ERCC6: variants seen among roughly 807,000 people sequenced by gnomAD.
ERCC6 encodes the protein DNA excision repair protein ERCC-6.
ERCC6 carries 116 observed loss-of-function variants against 158.7 expected under a neutral mutation model. The observed-to-expected ratio is 0.73, with a 90% CI of 0.63 to 0.85. The LOEUF (loss-of-function observed/expected upper bound fraction) is 0.85. Among genes scored for constraint, ERCC6 ranks in the 40% least tolerant of loss-of-function variants. The pLI, the probability that ERCC6 is intolerant of heterozygous loss-of-function variation, is 0.00. For missense variants in ERCC6, 1,698 were observed against 1,799.4 expected, an observed-to-expected ratio of 0.94 and a Z score of 1.02; for synonymous variants, 678 against 659.3, an observed-to-expected ratio of 1.03 and a Z score of -0.43.
chr10:49,474,744 A>G (rs991176124), intron 12 of ERCC6, among the ~76,000 whole-genome samples: 1 of 152,154 alleles, frequency 6.6e-6, no homozygotes, highest in African/African-American at 2.4e-5. Context: ...GATTATTATT[A>G]TATCAGAAAA....
At chr10:49,471,195 A>G in intron 16 of ERCC6, 75 bp from the exon 17 acceptor site, 2 of 1,465,494 alleles carry the variant, frequency 1.4e-6, no homozygotes, top group Non-Finnish European at 1.9e-6. Context: ...AAAGCAATAT[A>G]AGAGAGAGAT....
chr10:49,472,564 C>A, intron 15 of ERCC6, 94 bp from the exon 16 acceptor site: 1 of 1,303,522 alleles, frequency 7.7e-7, no homozygotes, highest in Non-Finnish European at 1.1e-6. Flanking sequence ...CTACCTGTCA[C>A]TCCCAGAGTT....
intron 18 of ERCC6, among the ~76,000 whole-genome samples, chr10:49,467,284 A>G (rs1275195561): frequency 2.0e-5 from 3 of 152,204 alleles, no homozygotes; most frequent in Admixed American, 2.0e-4. Flanking sequence ...AGGAAAGCGC[A>G]TGCAACTGCC....
intron 11 of ERCC6, among the ~76,000 whole-genome samples, chr10:49,477,041 T>C (rs1364364330): frequency 6.6e-6 from 1 of 152,134 alleles, no homozygotes; most frequent in Non-Finnish European, 1.5e-5. Flanking sequence ...CATCCTGCCA[T>C]GGCCTGTCCT....
chr10:49,456,537 TAC>T lies in ERCC6; in HGVS notation c.*2276_*2277del, dbSNP rs1290184336. 6.6e-6 allele frequency: 1 copy of T among 152,170 alleles called. No homozygotes were observed. The highest frequency in any genetic ancestry group is 1.5e-5 in the Non-Finnish European group (1 of 68,018). The allele number at this position is 152,170 out of a possible 1,614,324, so 9.4% of individuals were successfully genotyped here. A position where few individuals can be genotyped will look rare whatever the true frequency, so the allele number is the denominator to read the frequency against. Reference sequence around the variant, plus strand: ...TGTGATTCTCTAAATGCATGGAGAATACACACCAAACCTAGGGCTGTACTTAG... The same window carrying T: ...TGTGATTCTCTAAATGCATGGAGAATACACCAAACCTAGGGCTGTACTTAG... On this transcript the variant is annotated 3_prime_UTR_variant, in exon 21 of 21. Coordinates refer to ENST00000355832, the MANE Select transcript of ERCC6 (RefSeq NM_000124.4).
intron 18 of ERCC6, among the ~76,000 whole-genome samples, chr10:49,467,774 G>T (rs149666343): frequency 2.2e-4 from 34 of 151,484 alleles, no homozygotes; most frequent in Middle Eastern, 3.4e-3. Context: ...TCACTATGTT[G>T]CCCAGGCTGG....
At chr10:49,504,477 T>A (rs983904140) in intron 6 of ERCC6, 1 of 152,318 alleles carries the variant, frequency 6.6e-6, no homozygotes, top group Admixed American at 6.5e-5. Context: ...CTGACATTTA[T>A]ACAAAAATGC....
chr10:49,460,154 C>T (rs1850551714), intron 20 of ERCC6: 2 of 599,664 alleles, frequency 3.3e-6, no homozygotes, highest in Admixed American at 2.7e-5. Flanking sequence ...AACAGAAATG[C>T]TGCTACGGAT....
intron 2 of ERCC6, among the ~76,000 whole-genome samples, chr10:49,532,153 G>A (rs1192081732): frequency 6.6e-6 from 1 of 152,206 alleles, no homozygotes; most frequent in Non-Finnish European, 1.5e-5. Flanking sequence ...GGGACAGTAA[G>A]CTAGAAAGAA....
the ERCC6 span, among the ~76,000 whole-genome samples, chr10:49,441,226 G>C: frequency 6.6e-6 from 1 of 152,332 alleles, no homozygotes; most frequent in Admixed American, 6.5e-5. Context: ...GGGTACAAGA[G>C]CCATGTACCA....
At chr10:49,515,247 A>G (rs1467559547) in intron 5 of ERCC6, 11 of 1,454,426 alleles carry the variant, frequency 7.6e-6, no homozygotes, top group Non-Finnish European at 9.9e-6. Context: ...GTGACGTTCC[A>G]AAATTGGAAC....
rs1305321725 is a variant in ERCC6 at position 49,455,284 on chromosome 10, C to T, written c.*3531G>A. On this transcript the variant is annotated 3_prime_UTR_variant, in exon 21 of 21. Coordinates refer to ENST00000355832, the MANE Select transcript of ERCC6 (RefSeq NM_000124.4). Reference sequence around the variant, plus strand: ...AAGACTTTAATAAAATGAGGCCTATCATAACACTAATCAGAAACATTATAT... The same window carrying T: ...AAGACTTTAATAAAATGAGGCCTATTATAACACTAATCAGAAACATTATAT... 4 of 152,228 alleles carry T rather than the reference C, an allele frequency of 2.6e-5. No individual in the cohort carries two copies. The highest frequency in any genetic ancestry group is 4.8e-5 in the African/African-American group (2 of 41,556). The allele number at this position is 152,228 out of a possible 1,614,324, so 9.4% of individuals were successfully genotyped here.
intron 15 of ERCC6, 140 bp downstream of exon 15, chr10:49,472,769 T>C: frequency 9.6e-7 from 1 of 1,044,048 alleles, no homozygotes; most frequent in Non-Finnish European, 1.4e-6. Context: ...GGTGTCTTCT[T>C]TCACGTTGAA....
intron 1 of ERCC6, among the ~76,000 whole-genome samples, chr10:49,536,814 A>T (rs111665120): frequency 2.0e-5 from 3 of 152,142 alleles, no homozygotes; most frequent in Non-Finnish European, 4.4e-5. Flanking sequence ...AGCGCAAAAG[A>T]GTCACGGGGT....
At position 49,457,498 on chromosome 10, in the gene ERCC6, A is replaced by C. The variant is rs1850502495; in HGVS notation, c.*1317T>G. 2 of 152,154 alleles carry C rather than the reference A, an allele frequency of 1.3e-5. No homozygotes were observed. Among genetic ancestry groups the C allele is most frequent in the Non-Finnish European group, 2.9e-5 (2 of 68,046 alleles). The allele number at this position is 152,154 out of a possible 1,614,324, so 9.4% of individuals were successfully genotyped here. On this transcript the variant is annotated 3_prime_UTR_variant, in exon 21 of 21. Transcript: ENST00000355832. ...GTCCGGCAAGGCCCCCCTGCCCAGA[A>C]CCCTCCTCTCTGAGTCACATGGATG...
intron 18 of ERCC6, among the ~76,000 whole-genome samples, chr10:49,467,523 T>C (rs1260705721): frequency 6.6e-6 from 1 of 152,222 alleles, no homozygotes; most frequent in Non-Finnish European, 1.5e-5. Context: ...TCTTTCTTGG[T>C]GAAGTCTGTT....
At chr10:49,471,588 C>T (rs1474278361) in intron 16 of ERCC6, among the ~76,000 whole-genome samples, 2 of 152,166 alleles carry the variant, frequency 1.3e-5, no homozygotes, top group African/African-American at 4.8e-5. Flanking sequence ...TGAAGCCCCA[C>T]ACCACTGCCA....
chr10:49,479,089 A>G (rs1309626893), intron 10 of ERCC6, among the ~76,000 whole-genome samples: 8 of 151,878 alleles, frequency 5.3e-5, no homozygotes. Flanking sequence ...CGGCCACATG[A>G]GATGAGTACT....
intron 18 of ERCC6, among the ~76,000 whole-genome samples, chr10:49,465,961 G>A (rs1381420767): frequency 6.6e-6 from 1 of 152,156 alleles, no homozygotes; most frequent in Non-Finnish European, 1.5e-5. Flanking sequence ...GGGACAGGGT[G>A]GGGGATGACA....
Sources: allele counts gnomAD v4.1 joint callset (sites outside exome capture counted in the v4.1 genomes callset), GRCh38; gene constraint gnomAD v4.1.1; transcripts MANE v1.5; gene names NCBI Gene and HGNC (gene_info 2026-07-23, HGNC 2026-07-21).